Variants in STXBP4 observed in about 807,000 individuals in gnomAD.
STXBP4 encodes syntaxin-binding protein 4.
STXBP4 carries 55 observed loss-of-function variants against 76.1 expected under a neutral mutation model. That is an observed-to-expected ratio of 0.72 (90% CI 0.58 to 0.91). The LOEUF (loss-of-function observed/expected upper bound fraction) is 0.91, where lower values mean the gene tolerates loss of function less well. Ranked by LOEUF, STXBP4 falls within the 40% of genes least tolerant of loss-of-function variation. The pLI is 0.00. For missense variants in STXBP4, 618 were observed against 636.9 expected (o/e 0.97, Z 0.32); for synonymous variants, 201 against 220.2 (o/e 0.91, Z 0.77).
chr17:55,148,138 T>C (rs988037372), intron 17 of STXBP4, among the ~76,000 whole-genome samples: 1 of 152,238 alleles, frequency 6.6e-6, no homozygotes, highest in African/African-American at 2.4e-5. Flanking sequence ...ATGGTTTCTC[T>C]CATTTCTCTC....
chr17:55,102,311 G>A (rs1000018057), intron 16 of STXBP4, among the ~76,000 whole-genome samples: 6 of 152,012 alleles, frequency 3.9e-5, no homozygotes, highest in Admixed American at 2.6e-4. Context: ...AGTGTGTGAT[G>A]TTTCCCTCCC....
intron 7 of STXBP4, among the ~76,000 whole-genome samples, chr17:55,006,990 AT>A (rs1261305393): frequency 6.6e-6 from 1 of 152,144 alleles, no homozygotes; most frequent in Non-Finnish European, 1.5e-5. Context: ...GCCTACTCTT[AT>A]ATCTTAGGAC....
intron 16 of STXBP4, among the ~76,000 whole-genome samples, chr17:55,108,684 T>A (rs2079669266): frequency 6.6e-6 from 1 of 152,118 alleles, no homozygotes; most frequent in Non-Finnish European, 1.5e-5. Flanking sequence ...CCCTTGCACT[T>A]CCTGGGTAAG....
At chr17:54,992,365 T>G (rs2077730792) in intron 4 of STXBP4, among the ~76,000 whole-genome samples, 1 of 151,034 alleles carries the variant, frequency 6.6e-6, no homozygotes, top group Admixed American at 6.6e-5. Flanking sequence ...CAGTGAGGCA[T>G]GATCGTGCCA....
At position 55,165,220 on chromosome 17, in the gene STXBP4, G is replaced by A. The variant is rs561124658; in HGVS notation, c.*5309G>A. The A allele has an allele frequency of 6.6e-6, 1 of 152,284 alleles. No individual in the cohort carries two copies. The highest frequency in any genetic ancestry group is 1.5e-5 in the Non-Finnish European group (1 of 68,024). 9.4% of individuals were successfully genotyped at this position (152,284 alleles called of 1,614,324 possible). ...AAGATTTGAGAGCACATATGATGAG[G>A]AAGATGAGGCTTTCTTACTCACTGT... On this transcript the variant is annotated 3_prime_UTR_variant, in exon 18 of 18. Coordinates refer to ENST00000376352, the MANE Select transcript of STXBP4 (RefSeq NM_178509.6).
chr17:55,016,297 G>A (rs747559123), intron 8 of STXBP4, among the ~76,000 whole-genome samples: 2 of 152,126 alleles, frequency 1.3e-5, no homozygotes, highest in Admixed American at 1.3e-4. Context: ...AAGGGGTCCA[G>A]AGTGCTGGAT....
At chr17:54,987,425 C>T (rs753829997) in intron 3 of STXBP4, among the ~76,000 whole-genome samples, 9 of 152,124 alleles carry the variant, frequency 5.9e-5, no homozygotes, top group Non-Finnish European at 1.3e-4. Context: ...TAAAAGGTGT[C>T]ATGTATACTG....
chr17:54,998,929 G>C (rs1255772984), intron 4 of STXBP4, among the ~76,000 whole-genome samples: 1 of 151,990 alleles, frequency 6.6e-6, no homozygotes, highest in African/African-American at 2.4e-5. Flanking sequence ...TTTGGTGGGA[G>C]GACATATGTA....
chr17:55,199,660 C>CTTATATTTTATACTT, the STXBP4 span, among the ~76,000 whole-genome samples: 1 of 152,164 alleles, frequency 6.6e-6, no homozygotes, highest in Non-Finnish European at 1.5e-5. Flanking sequence ...CTTATATGTT[C>CTTATATTTTATACTT]AAGTATGTTA....
chr17:54,993,520 T>C (rs974798545), intron 4 of STXBP4, among the ~76,000 whole-genome samples: 1 of 152,236 alleles, frequency 6.6e-6, no homozygotes, highest in African/African-American at 2.4e-5. Flanking sequence ...GCTTACATTA[T>C]TTTTAAATAT....
intron 1 of STXBP4, among the ~76,000 whole-genome samples, chr17:54,980,036 G>C (rs1165658654): frequency 6.6e-6 from 1 of 152,140 alleles, no homozygotes; most frequent in Non-Finnish European, 1.5e-5. Flanking sequence ...GTGTCTGTGT[G>C]TGTGTTGTTA....
intron 16 of STXBP4, among the ~76,000 whole-genome samples, chr17:55,133,213 A>C (rs2145128129): frequency 6.6e-6 from 1 of 152,254 alleles, no homozygotes; most frequent in South Asian, 2.1e-4. Flanking sequence ...TAATTTGAAG[A>C]CAAAGCCACC....
At chr17:55,067,334 T>C (rs1032936275) in intron 12 of STXBP4, among the ~76,000 whole-genome samples, 2 of 152,172 alleles carry the variant, frequency 1.3e-5, no homozygotes, top group African/African-American at 4.8e-5. Context: ...AGATCATTTA[T>C]ACAAAAGTAG....
intron 14 of STXBP4, 148 bp from the exon 15 acceptor site, chr17:55,078,538 G>A: frequency 3.4e-6 from 2 of 586,998 alleles, no homozygotes; most frequent in Non-Finnish European, 6.1e-6. Flanking sequence ...AAAACTGCAT[G>A]TTAGTTCAAT....
In STXBP4 at chr17:55,173,066, A is replaced by G. The variant is rs988370924; in HGVS notation, c.*13155A>G. 6.6e-6 allele frequency: 1 copy of G among 152,226 alleles called. No homozygotes were observed. The highest frequency in any genetic ancestry group is 1.5e-5 in the Non-Finnish European group (1 of 68,036). 9.4% of individuals were successfully genotyped at this position (152,226 alleles called of 1,614,324 possible). A position where few individuals can be genotyped will look rare whatever the true frequency, so the allele number is the denominator to read the frequency against. On this transcript the variant is annotated 3_prime_UTR_variant, in exon 18 of 18. Transcript: ENST00000376352. ...ACTGTGTCTCCTTCCCCAACCATGT[A>G]TGTGATACATTCATTCTCTAGGATT...
chr17:55,100,187 C>G (rs1004844333), intron 16 of STXBP4, among the ~76,000 whole-genome samples: 5 of 152,064 alleles, frequency 3.3e-5, no homozygotes, highest in African/African-American at 1.2e-4. Context: ...GTATTTCTAC[C>G]AAAAGATACT....
intron 8 of STXBP4, among the ~76,000 whole-genome samples, chr17:55,027,057 A>G (rs2078429349): frequency 6.6e-6 from 1 of 152,164 alleles, no homozygotes; most frequent in Admixed American, 6.5e-5. Context: ...TGCCAAGTGC[A>G]TGGGAGCTAG....
intron 7 of STXBP4, among the ~76,000 whole-genome samples, chr17:55,007,094 T>A (rs1235618389): frequency 6.6e-6 from 1 of 152,078 alleles, no homozygotes; most frequent in Non-Finnish European, 1.5e-5. Flanking sequence ...TCCTGGCAGT[T>A]TGGGAGGCTG....
chr17:55,036,486 A>G (rs1411201119), intron 10 of STXBP4, among the ~76,000 whole-genome samples: 1 of 151,718 alleles, frequency 6.6e-6, no homozygotes, highest in Non-Finnish European at 1.5e-5. Flanking sequence ...TTTACATAAA[A>G]TTAATTTTTA....
Sources: allele counts gnomAD v4.1 joint callset (sites outside exome capture counted in the v4.1 genomes callset), GRCh38; gene constraint gnomAD v4.1.1; transcripts MANE v1.5; gene names NCBI Gene and HGNC (gene_info 2026-07-23, HGNC 2026-07-21).